Variants in SOBP observed in about 807,000 individuals in gnomAD.
SOBP encodes the protein sine oculis-binding protein homolog.
In SOBP, 4 loss-of-function variants were observed where a neutral mutation model predicts 53.6. The observed-to-expected ratio is 0.07, with a 90% CI of 0.04 to 0.17. The LOEUF is 0.17. Among genes scored for constraint, SOBP ranks in the 10% least tolerant of loss-of-function variants. The pLI, the probability that SOBP is intolerant of heterozygous loss-of-function variation, is 1.00. For missense variants in SOBP, 1,088 were observed against 1,204.7 expected (o/e 0.90, Z 1.43); for synonymous variants, 584 against 522.6 (o/e 1.12, Z -1.60).
At chr6:107,509,127 G>T (rs1330954633) in intron 3 of SOBP, among the ~76,000 whole-genome samples, 1 of 152,226 alleles carries the variant, frequency 6.6e-6, no homozygotes, top group Non-Finnish European at 1.5e-5. Flanking sequence ...GGGCGCAGTG[G>T]CTCATGCCTG....
In SOBP at chr6:107,490,501, C is replaced by T; in HGVS notation, c.-116C>T. 4 of 751,598 alleles carry T rather than the reference C, an allele frequency of 5.3e-6. No homozygotes were observed. The highest frequency in any genetic ancestry group is 6.9e-6 in the Non-Finnish European group (3 of 434,376). The allele number at this position is 751,598 out of a possible 1,614,324, so 46.6% of individuals were successfully genotyped here. On this transcript the variant is annotated 5_prime_UTR_variant, in exon 1 of 7. Transcript: ENST00000317357. ...GCTCGGTCCGGCCCCGCCAGCACCGCTACCTCCGCCAGCCTCGCCACCATC... is the reference window on the plus strand; with the variant it reads ...GCTCGGTCCGGCCCCGCCAGCACCGTTACCTCCGCCAGCCTCGCCACCATC...
chr6:107,604,662 G>C (rs900204198), intron 5 of SOBP, among the ~76,000 whole-genome samples: 2 of 152,080 alleles, frequency 1.3e-5, no homozygotes, highest in Non-Finnish European at 2.9e-5. Flanking sequence ...GGGGACAGGC[G>C]GGCTCTCTGA....
rs2114262417 is a variant in SOBP at position 107,659,626 on chromosome 6, C to T, written c.*1423C>T. On this transcript the variant is annotated 3_prime_UTR_variant, in exon 7 of 7. Coordinates refer to ENST00000317357, the MANE Select transcript of SOBP (RefSeq NM_018013.4). ...TTCCCTCTGGAGGGGTCCAGGTGCCCCCGCCCCACAAGGCCGCGGAGCCTC... is the reference window on the plus strand; with the variant it reads ...TTCCCTCTGGAGGGGTCCAGGTGCCTCCGCCCCACAAGGCCGCGGAGCCTC... 1 of 152,758 alleles carries T rather than the reference C, an allele frequency of 6.5e-6. No individual in the cohort carries two copies. Among genetic ancestry groups the T allele is most frequent in the Middle Eastern group, 3.4e-3 (1 of 294 alleles). 9.5% of individuals were successfully genotyped at this position (152,758 alleles called of 1,614,324 possible).
At chr6:107,557,963 C>T (rs889296996) in intron 4 of SOBP, 2 of 152,054 alleles carry the variant, frequency 1.3e-5, no homozygotes, top group Non-Finnish European at 2.9e-5. Context: ...TGTTATATTG[C>T]CATTCATTGT....
chr6:107,491,023 C>T (rs922486), intron 1 of SOBP, among the ~76,000 whole-genome samples: 8,378 of 152,172 alleles, frequency 0.055, 489 homozygotes, highest in African/African-American at 0.15. Flanking sequence ...GGGGAAGAGG[C>T]TTTCCCAGTG....
chr6:107,592,878 T>C (rs1014135719), intron 5 of SOBP, among the ~76,000 whole-genome samples: 3 of 152,180 alleles, frequency 2.0e-5, no homozygotes, highest in African/African-American at 7.2e-5. Context: ...AATAGAACTT[T>C]CCAGAAATAA....
chr6:107,631,970 A>G (rs558321857), intron 5 of SOBP, among the ~76,000 whole-genome samples: 51 of 152,372 alleles, frequency 3.3e-4, no homozygotes, highest in Non-Finnish European at 5.6e-4. Flanking sequence ...GTGTTCGCCC[A>G]TGATCACATA....
intron 5 of SOBP, among the ~76,000 whole-genome samples, chr6:107,598,444 T>G (rs2115078431): frequency 6.6e-6 from 1 of 152,194 alleles, no homozygotes; most frequent in African/African-American, 2.4e-5. Context: ...AGATGTGGAA[T>G]GATGATGAGA....
intron 3 of SOBP, among the ~76,000 whole-genome samples, chr6:107,523,700 G>C (rs954260299): frequency 6.6e-6 from 1 of 152,242 alleles, no homozygotes; most frequent in African/African-American, 2.4e-5. Context: ...CTTCTGTCAT[G>C]ATGGGCTGCT....
chr6:107,522,619 G>T (rs1197785857), intron 3 of SOBP, among the ~76,000 whole-genome samples: 1 of 125,554 alleles, frequency 8.0e-6, no homozygotes, highest in Non-Finnish European at 1.6e-5. Context: ...ACAGCTTACC[G>T]CAGCCTTGAC....
rs141633806 is a variant in SOBP at position 107,628,706 on chromosome 6, A to C, written c.670-4808A>C. ...CTAATAAGGAATAAAGCCCAGATTC[A>C]TGCCAACATCTTTTGATTCTAAATC... On this transcript the variant is annotated intron_variant, in intron 5 of 6. Coordinates refer to ENST00000317357, the MANE Select transcript of SOBP (RefSeq NM_018013.4). Among the ~76,000 whole-genome samples, 222 of 152,362 alleles carry C rather than the reference A, an allele frequency of 1.5e-3. 1 individual carries two copies. The highest frequency in any genetic ancestry group is 6.8e-3 in the Middle Eastern group (2 of 292).
rs543317664 is a variant in SOBP, at chr6:107,519,478, C to T, written c.421+13051C>T. Among the ~76,000 whole-genome samples, 6 of 152,296 alleles carry T rather than the reference C, an allele frequency of 3.9e-5. No homozygotes were observed. The East Asian group carries it at 1.2e-3, about 29-fold the overall frequency. On this transcript the variant is annotated intron_variant, in intron 3 of 6. Transcript: ENST00000317357. ...CCCATGATTGCTGTAACACTTTGAC[C>T]AGCTTGGGCGTGTGCATTCTGAAAG...
At chr6:107,555,040 C>T (rs1488340861) in intron 4 of SOBP, among the ~76,000 whole-genome samples, 3 of 152,102 alleles carry the variant, frequency 2.0e-5, no homozygotes, top group Non-Finnish European at 4.4e-5. Context: ...TGCTAGAATG[C>T]ATTGCGCAAA....
Position 107,634,432 on chromosome 6 carries a change from A to G in SOBP, c.1588A>G (p.Ile530Val), listed in dbSNP as rs1202358740. 5 of 1,607,394 alleles carry G rather than the reference A, an allele frequency of 3.1e-6. No individual in the cohort carries two copies. Among genetic ancestry groups the G allele is most frequent in the South Asian group, 2.2e-5 (2 of 91,046 alleles). The change falls in exon 6 of 7, where the codon ATC (isoleucine) becomes GTC (valine). Residue 530 changes from isoleucine to valine, a missense_variant. By Grantham distance (29) the Ile-to-Val change is conservative (BLOSUM62 3). Coordinates refer to ENST00000317357, the MANE Select transcript of SOBP (RefSeq NM_018013.4). This position sits in a 1 kb window ranked among gnomAD's most constrained non-coding sequence, Gnocchi z 4.5. ...PPTLLVPYPVIVPLPVPIPIP... is the reference protein window; with the variant it reads ...PPTLLVPYPVVVPLPVPIPIP... Reference sequence around the variant, plus strand: ...GACCCTGCTCGTGCCGTACCCCGTGATCGTGCCCCTACCGGTGCCCATCCC... The same window carrying G: ...GACCCTGCTCGTGCCGTACCCCGTGGTCGTGCCCCTACCGGTGCCCATCCC...
At chr6:107,617,126 G>C (rs2115112500) in intron 5 of SOBP, among the ~76,000 whole-genome samples, 1 of 152,318 alleles carries the variant, frequency 6.6e-6, no homozygotes, top group East Asian at 1.9e-4. Flanking sequence ...GTATAAAACA[G>C]GTGATCCCTT....
At chr6:107,522,265 G>A (rs188457383) in intron 3 of SOBP, among the ~76,000 whole-genome samples, 83 of 152,234 alleles carry the variant, frequency 5.5e-4, no homozygotes, top group Non-Finnish European at 1.2e-4. Context: ...TCTTCTTGAG[G>A]GCAGTGGATG....
In SOBP at chr6:107,516,336, C is replaced by A. The variant is rs375707891; in HGVS notation, c.421+9909C>A. On this transcript the variant is annotated intron_variant, in intron 3 of 6. Transcript: ENST00000317357. ...AATTAGTAGGGTGTGGTGATGCGCT[C>A]CTATAATCCCAACTACTCGGGAGGT... 7.2e-5 allele frequency among the ~76,000 whole-genome samples: 11 copies of A among 152,076 alleles called. No individual in the cohort carries two copies. In the East Asian group the frequency reaches 1.9e-3, roughly 27 times the overall value.
intron 6 of SOBP, among the ~76,000 whole-genome samples, chr6:107,643,983 G>T (rs1771445828): frequency 6.6e-6 from 1 of 152,180 alleles, no homozygotes; most frequent in South Asian, 2.1e-4. Context: ...GCACTCAAAA[G>T]CTAAAGTGTT....
chr6:107,522,003 G>A (rs917827871), intron 3 of SOBP, among the ~76,000 whole-genome samples: 15 of 151,230 alleles, frequency 9.9e-5, no homozygotes, highest in Non-Finnish European at 1.6e-4. Context: ...GAGTGCTGTC[G>A]GATCTGACCA....
Sources: gnomAD v4.1 joint callset for allele counts (sites outside exome capture counted in the v4.1 genomes callset) on GRCh38, gnomAD v4.1.1 for gene constraint, Gnocchi (gnomAD v3.1) non-coding constraint, MANE v1.5 for transcripts, NCBI Gene and HGNC (gene_info 2026-07-23, HGNC 2026-07-21) for gene names.